Variants in KIT observed in about 807,000 individuals in gnomAD.
KIT encodes the protein mast/stem cell growth factor receptor Kit.
In KIT, 16 loss-of-function variants were observed where a neutral mutation model predicts 105.7. The observed-to-expected ratio is 0.15, with a 90% CI of 0.10 to 0.23. KIT has a LOEUF of 0.23. Ranked by LOEUF, KIT falls within the 10% of genes least tolerant of loss-of-function variation. KIT has a pLI of 1.00. For missense variants in KIT, 858 were observed against 1,213.8 expected (o/e 0.71, Z 4.36); for synonymous variants, 438 against 441.1 (o/e 0.99, Z 0.09).
In KIT at chr4:54,709,447, C is replaced by T. The variant is rs760981584; in HGVS notation, c.1139C>T (p.Thr380Met). ...AGATACGTAAGTGAACTTCATCTAA[C>T]GAGATTAAAAGGCACCGAAGGAGGC... is the stretch of plus-strand genomic sequence containing the variant. The part of the protein sequence containing the change: ...NIRYVSELHL[T>M]RLKGTEGGTY... The change falls in exon 7 of 21, where the codon ACG (threonine) becomes ATG (methionine). Residue 380 changes from threonine to methionine, a missense_variant. This residue lies in a region of KIT where 401 missense variants were observed against 601.0 expected (regional missense o/e 0.67). Coordinates refer to ENST00000288135, the MANE Select transcript of KIT (RefSeq NM_000222.3). 3.3e-5 allele frequency: 54 copies of T among 1,612,334 alleles called. No individual in the cohort carries two copies. The highest frequency in any genetic ancestry group is 1.6e-4 in the Middle Eastern group (1 of 6,082).
chr4:54,734,976 A>C (rs1722838690), intron 17 of KIT, among the ~76,000 whole-genome samples: 1 of 152,148 alleles, frequency 6.6e-6, no homozygotes, highest in African/African-American at 2.4e-5. Context: ...GTTGGTGTAA[A>C]AGTAATTGTG....
intron 1 of KIT, among the ~76,000 whole-genome samples, chr4:54,695,248 C>T (rs1719975973): frequency 6.6e-6 from 1 of 152,144 alleles, no homozygotes; most frequent in African/African-American, 2.4e-5. Context: ...GTATGTTTAG[C>T]CCAGAGAAGG....
rs2109661488 is a variant in KIT at position 54,695,634 on chromosome 4, G to A, written c.190G>A (p.Val64Ile). The change falls in exon 2 of 21, where the codon GTC becomes ATC. Residue 64 changes from valine to isoleucine, a missense_variant. By Grantham distance (29) the Val-to-Ile change is conservative. Coordinates refer to ENST00000288135, the MANE Select transcript of KIT (RefSeq NM_000222.3). ...IRLLCTDPGF[V>I]KWTFEILDET... Reference sequence around the variant, plus strand: ...GCTGTTATGCACTGATCCGGGCTTTGTCAAATGGACTTTTGAGATCCTGGA... The same window carrying A: ...GCTGTTATGCACTGATCCGGGCTTTATCAAATGGACTTTTGAGATCCTGGA... The A allele has an allele frequency of 6.2e-7, 1 of 1,614,226 alleles. No individual in the cohort carries two copies. The highest frequency in any genetic ancestry group is 8.5e-7 in the Non-Finnish European group (1 of 1,180,042).
At chr4:54,722,093 C>T (rs1205993085) in intron 7 of KIT, among the ~76,000 whole-genome samples, 1 of 152,122 alleles carries the variant, frequency 6.6e-6, no homozygotes, top group Non-Finnish European at 1.5e-5. Context: ...TCAAGCCATC[C>T]TCCTGCCTCA....
intron 3 of KIT, 61 bp from the exon 4 acceptor site, chr4:54,699,569 A>G: frequency 6.3e-7 from 1 of 1,584,266 alleles, no homozygotes; most frequent in Non-Finnish European, 8.7e-7. Flanking sequence ...GAGAAATGGT[A>G]AATCAAAATT....
intron 1 of KIT, among the ~76,000 whole-genome samples, chr4:54,669,211 A>C (rs1577915028): frequency 6.8e-6 from 1 of 147,304 alleles, no homozygotes; most frequent in South Asian, 2.2e-4. Context: ...ATAAAAGAGG[A>C]CCCCCCCCCC....
At chr4:54,690,665 A>G (rs1719648070) in intron 1 of KIT, among the ~76,000 whole-genome samples, 1 of 152,254 alleles carries the variant, frequency 6.6e-6, no homozygotes, top group South Asian at 2.1e-4. Flanking sequence ...CCTGGTGTAA[A>G]TAAAACACAA....
intron 1 of KIT, among the ~76,000 whole-genome samples, chr4:54,682,098 T>C (rs946590146): frequency 1.1e-4 from 16 of 151,044 alleles, no homozygotes; most frequent in Non-Finnish European, 1.9e-4. Flanking sequence ...TTCTTTTTTT[T>C]TTTTTTTTTG....
intron 1 of KIT, among the ~76,000 whole-genome samples, chr4:54,687,410 C>T (rs1021080404): frequency 5.3e-5 from 8 of 151,976 alleles, no homozygotes; most frequent in Non-Finnish European, 1.0e-4. Context: ...TGCCCTCCAG[C>T]CTGGGCGACG....
chr4:54,665,565 C>T (rs1717633071), intron 1 of KIT, among the ~76,000 whole-genome samples: 1 of 152,140 alleles, frequency 6.6e-6, no homozygotes, highest in African/African-American at 2.4e-5. Context: ...TTATGGGCAC[C>T]TTCTGTGTGT....
At chr4:54,722,819 A>G (rs957712151) in intron 7 of KIT, among the ~76,000 whole-genome samples, 1 of 145,520 alleles carries the variant, frequency 6.9e-6, no homozygotes. Flanking sequence ...ATATATTTAT[A>G]TATATATATG....
intron 1 of KIT, among the ~76,000 whole-genome samples, chr4:54,694,300 T>A (rs1719907303): frequency 6.6e-6 from 1 of 152,168 alleles, no homozygotes; most frequent in African/African-American, 2.4e-5. Flanking sequence ...CACCTCTTGC[T>A]TTTTCTTCAG....
At chr4:54,681,704 T>C (rs1472242579) in intron 1 of KIT, among the ~76,000 whole-genome samples, 2 of 152,110 alleles carry the variant, frequency 1.3e-5, no homozygotes, top group Non-Finnish European at 2.9e-5. Context: ...TCAAATTTCA[T>C]GTTTAGGTCC....
At chr4:54,711,086 G>C (rs116721874) in intron 7 of KIT, among the ~76,000 whole-genome samples, 6,755 of 152,178 alleles carry the variant, frequency 0.044, 260 homozygotes, top group Non-Finnish European at 0.057. Flanking sequence ...TTGCTTTGTT[G>C]CCTAGACTGG....
chr4:54,688,586 C>T (rs781612105), intron 1 of KIT, among the ~76,000 whole-genome samples: 2 of 152,188 alleles, frequency 1.3e-5, no homozygotes, highest in Non-Finnish European at 2.9e-5. Flanking sequence ...ATAGAAAGAC[C>T]TTGCAGTCAT....
At chr4:54,698,732 T>G (rs1720249020) in intron 3 of KIT, among the ~76,000 whole-genome samples, 167 bp downstream of exon 3, 1 of 152,226 alleles carries the variant, frequency 6.6e-6, no homozygotes, top group Non-Finnish European at 1.5e-5. Context: ...TATTTCATGG[T>G]CCTGACCCCG....
intron 3 of KIT, 69 bp downstream of exon 3, chr4:54,698,634 G>T: frequency 6.6e-7 from 1 of 1,520,080 alleles, no homozygotes. Context: ...TTCTCTTCTC[G>T]TTGATCCACC....
rs1263509542 is a variant in KIT, at chr4:54,737,259, G to T, written c.2781G>T (p.Gln927His). The T allele has an allele frequency of 6.2e-7, 1 of 1,612,456 alleles. No homozygotes were observed. Among genetic ancestry groups the T allele is most frequent in the South Asian group, 1.1e-5 (1 of 91,036 alleles). The change falls in exon 20 of 21, where the codon CAG (glutamine) becomes CAT (histidine). Residue 927 changes from glutamine to histidine, a missense_variant. Coordinates refer to ENST00000288135, the MANE Select transcript of KIT (RefSeq NM_000222.3). The stretch of plus-strand genomic sequence containing the variant: ...AAATTGTTCAGCTAATTGAGAAGCA[G>T]ATTTCAGAGAGCACCAATCATGTGA... ...FKQIVQLIEK[Q>H]ISESTNHIYS...
rs1339029654 is a variant in KIT, at chr4:54,740,419, A to C, written c.*1862A>C. 4.3e-6 allele frequency: 1 copy of C among 233,302 alleles called. No individual in the cohort carries two copies. Among genetic ancestry groups the C allele is most frequent in the Non-Finnish European group, 8.5e-6 (1 of 117,920 alleles). 14.5% of individuals were successfully genotyped at this position (233,302 alleles called of 1,614,324 possible). On this transcript the variant is annotated 3_prime_UTR_variant, in exon 21 of 21. Coordinates refer to ENST00000288135, the MANE Select transcript of KIT (RefSeq NM_000222.3). ...GAGAGTTTTGTCTTGGATATTCTTG[A>C]AAGTTTATATTTTTATAATTTTTTC...
Sources: allele counts gnomAD v4.1 joint callset (sites outside exome capture counted in the v4.1 genomes callset), GRCh38; gene constraint gnomAD v4.1.1; regional missense constraint gnomAD v4.1.1; transcripts MANE v1.5; gene names NCBI Gene and HGNC (gene_info 2026-07-23, HGNC 2026-07-21).